The following SLFN12L variants were observed in gnomAD, a reference collection of about 807,000 sequenced individuals.
SLFN12L encodes schlafen family member 12 like, also known as schlafen family member 12-like.
In SLFN12L, 34 loss-of-function variants were observed where a neutral mutation model predicts 34.8. The observed-to-expected ratio is 0.98, with a 90% CI of 0.74 to 1.30. The LOEUF is 1.30. Ranked by LOEUF, SLFN12L falls within the 50% of genes most tolerant of loss-of-function variation. SLFN12L has a pLI of 0.00. For synonymous variants in SLFN12L, 259 were observed against 247.5 expected (o/e 1.05, Z -0.44); for missense variants, 703 against 696.2 (o/e 1.01, Z -0.11).
At chr17:35,537,475 G>C (rs1262116190) in intron 1 of SLFN12L, 98 bp downstream of exon 1, 1 of 152,216 alleles carries the variant, frequency 6.6e-6, no homozygotes, top group Admixed American at 6.5e-5. Flanking sequence ...TGTAGCCACA[G>C]AGGAGATTTT....
intron 1 of SLFN12L, among the ~76,000 whole-genome samples, chr17:35,533,926 C>A (rs1416437787): frequency 6.6e-6 from 1 of 151,896 alleles, no homozygotes; most frequent in Non-Finnish European, 1.5e-5. Flanking sequence ...ACTAAAAATA[C>A]AAAAATTAAC....
chr17:35,505,628 A>G (rs1305225414), intron 2 of SLFN12L, among the ~76,000 whole-genome samples: 2 of 152,198 alleles, frequency 1.3e-5, no homozygotes, highest in East Asian at 3.8e-4. Context: ...GCCCAGTTGA[A>G]CATAACTGTG....
intron 2 of SLFN12L, among the ~76,000 whole-genome samples, chr17:35,493,477 A>T (rs1452085879): frequency 1.3e-5 from 2 of 152,218 alleles, no homozygotes; most frequent in African/African-American, 4.8e-5. Context: ...TGTTTTGTTG[A>T]AATTGTTCAT....
intron 4 of SLFN12L, among the ~76,000 whole-genome samples, chr17:35,475,871 G>T (rs1424218441): frequency 6.6e-6 from 1 of 151,688 alleles, no homozygotes; most frequent in Admixed American, 6.6e-5. Context: ...CTGCACTCCA[G>T]CCTGGGCAAC....
intron 2 of SLFN12L, among the ~76,000 whole-genome samples, chr17:35,503,322 A>T (rs1009047325): frequency 2.4e-4 from 36 of 152,352 alleles, no homozygotes; most frequent in African/African-American, 8.2e-4. Flanking sequence ...GTAAAAACAC[A>T]ACAGGTTTCT....
In SLFN12L at chr17:35,474,865, A is replaced by G. The variant is rs963415766; in HGVS notation, c.*58T>C. On this transcript the variant is annotated 3_prime_UTR_variant, in exon 5 of 5. Transcript: ENST00000628453. ...GGAATTGCTTGAACCCAGGAGGCAGAGGTTGCAGTGAGTCGAGATCGTGTC... is the reference window on the plus strand; with the variant it reads ...GGAATTGCTTGAACCCAGGAGGCAGGGGTTGCAGTGAGTCGAGATCGTGTC... The G allele has an allele frequency of 2.1e-6, 3 of 1,458,764 alleles. No homozygotes were observed. The highest frequency in any genetic ancestry group is 4.9e-5 in the Admixed American group (2 of 40,510). The allele number at this position is 1,458,764 out of a possible 1,614,324, so 90.4% of individuals were successfully genotyped here.
rs1195767972 is a variant in SLFN12L, at chr17:35,465,646, A to G, written c.*9277T>C. Among the ~76,000 whole-genome samples the G allele has an allele frequency of 6.6e-6, 1 of 151,536 alleles. No homozygotes were observed. The highest frequency in any genetic ancestry group is 1.5e-5 in the Non-Finnish European group (1 of 67,946). ...GTATTCCCTGCTGCTTGTCCGTTTA[A>G]CAGCCCAGTGTTGCCTGTTCTTAAA... On this transcript the variant is annotated 3_prime_UTR_variant, in exon 5 of 5. Transcript: ENST00000628453.
Position 35,474,254 on chromosome 17 carries a change from T to A in SLFN12L, c.*669A>T, listed in dbSNP as rs1266695574. The A allele has an allele frequency of 6.6e-6, 1 of 152,244 alleles. No individual in the cohort carries two copies. The highest frequency in any genetic ancestry group is 1.5e-5 in the Non-Finnish European group (1 of 68,046). The allele number at this position is 152,244 out of a possible 1,614,324, so 9.4% of individuals were successfully genotyped here. ...TTCAAGAAGATATTAGAGAACTATG[T>A]TTTCCATGTCCATTGGATAAGAATG... On this transcript the variant is annotated 3_prime_UTR_variant, in exon 5 of 5. Transcript: ENST00000628453.
intron 2 of SLFN12L, among the ~76,000 whole-genome samples, chr17:35,512,804 T>C (rs1401728783): frequency 2.0e-5 from 3 of 152,246 alleles, no homozygotes; most frequent in Non-Finnish European, 4.4e-5. Flanking sequence ...TTTCAGGCAT[T>C]AGACCAAAGC....
At chr17:35,500,622 A>G (rs1218539529) in intron 2 of SLFN12L, among the ~76,000 whole-genome samples, 1 of 152,086 alleles carries the variant, frequency 6.6e-6, no homozygotes, top group East Asian at 1.9e-4. Context: ...TCAGATACTC[A>G]GGAGACTGAG....
intron 1 of SLFN12L, among the ~76,000 whole-genome samples, chr17:35,534,462 A>G (rs534172100): frequency 6.6e-6 from 1 of 152,344 alleles, no homozygotes; most frequent in South Asian, 2.1e-4. Context: ...GAAGCAGGTT[A>G]GAGCAGTCAT....
rs1480297743 is a variant in SLFN12L, at chr17:35,470,349, C to G, written c.*4574G>C. ...TTAGCTCTGCTTCAAATGGGGCTGG[C>G]CTGGTGATACTGGAGACAATAAATG... On this transcript the variant is annotated 3_prime_UTR_variant, in exon 5 of 5. Transcript: ENST00000628453. The G allele has an allele frequency of 6.2e-6, 1 of 161,204 alleles. No homozygotes were observed. Among genetic ancestry groups the G allele is most frequent in the African/African-American group, 2.4e-5 (1 of 41,500 alleles). The allele number at this position is 161,204 out of a possible 1,614,324, so 10.0% of individuals were successfully genotyped here.
intron 1 of SLFN12L, among the ~76,000 whole-genome samples, chr17:35,527,967 C>G (rs2072354349): frequency 6.6e-6 from 1 of 152,062 alleles, no homozygotes; most frequent in Admixed American, 6.5e-5. Context: ...CAGTCTCAGC[C>G]CAAAAATCTC....
chr17:35,525,044 G>A (rs923684862), intron 1 of SLFN12L, among the ~76,000 whole-genome samples: 5 of 151,988 alleles, frequency 3.3e-5, no homozygotes, highest in East Asian at 3.9e-4. Context: ...AACACAGCAC[G>A]AGAACTTCGT....
chr17:35,525,732 A>T (rs2072327147), intron 1 of SLFN12L, among the ~76,000 whole-genome samples: 1 of 152,192 alleles, frequency 6.6e-6, no homozygotes, highest in South Asian at 2.1e-4. Flanking sequence ...GAAAGGAACA[A>T]CTGGTACCAG....
At chr17:35,514,864 A>T (rs1915763467) in intron 2 of SLFN12L, 2 of 400,770 alleles carry the variant, frequency 5.0e-6, no homozygotes, top group South Asian at 4.1e-5. Flanking sequence ...GTAGTGGAAG[A>T]GTTTGTTGTA....
intron 2 of SLFN12L, among the ~76,000 whole-genome samples, chr17:35,519,276 C>T (rs1476747045): frequency 3.9e-5 from 6 of 152,140 alleles, no homozygotes; most frequent in African/African-American, 1.2e-4. Context: ...TTGATGGGTG[C>T]AGCAAACTAC....
chr17:35,526,160 A>G (rs1043626651), intron 1 of SLFN12L, among the ~76,000 whole-genome samples: 12 of 152,180 alleles, frequency 7.9e-5, no homozygotes, highest in African/African-American at 2.4e-4. Flanking sequence ...AGAGCTAACT[A>G]TCCTAAATAT....
intron 2 of SLFN12L, chr17:35,515,114 G>C (rs760182890): frequency 3.2e-6 from 2 of 628,064 alleles, no homozygotes; most frequent in Admixed American, 1.8e-5. Context: ...AGTCTTTTGC[G>C]GTCGAAGTAG....
Sources: allele counts gnomAD v4.1 joint callset (sites outside exome capture counted in the v4.1 genomes callset), GRCh38; gene constraint gnomAD v4.1.1; transcripts MANE v1.5; gene names NCBI Gene and HGNC (gene_info 2026-07-23, HGNC 2026-07-21).